SGCD: variants seen among roughly 807,000 people sequenced by gnomAD.
The protein encoded by SGCD is sarcoglycan delta.
Under a neutral mutation model 36.6 loss-of-function variants are expected in SGCD, and 18 were observed. The ratio of observed to expected loss-of-function variants is 0.49; its 90% confidence interval spans 0.34 to 0.73. The LOEUF (loss-of-function observed/expected upper bound fraction) is 0.73. SGCD is among the 30% of genes least tolerant of loss of function. SGCD has a pLI of 0.01. For missense variants in SGCD, 387 were observed against 346.7 expected, an observed-to-expected ratio of 1.12 and a Z score of -0.92; for synonymous variants, 133 against 130.6, an observed-to-expected ratio of 1.02 and a Z score of -0.12.
intron 3 of SGCD, among the ~76,000 whole-genome samples, chr5:156,316,498 A>C (rs1476282340): frequency 2.0e-5 from 3 of 151,964 alleles, no homozygotes; most frequent in African/African-American, 7.2e-5. Flanking sequence ...TAACTAAAAC[A>C]ATCTTGAGCA....
At chr5:156,473,800 A>AAT (rs1327020147) in intron 3 of SGCD, among the ~76,000 whole-genome samples, 1 of 152,208 alleles carries the variant, frequency 6.6e-6, no homozygotes, top group Non-Finnish European at 1.5e-5. Context: ...TCGAAGTGAT[A>AAT]ATCCACTGAC....
chr5:156,366,383 G>A (rs1770107884), intron 3 of SGCD, among the ~76,000 whole-genome samples: 1 of 152,164 alleles, frequency 6.6e-6, no homozygotes, highest in Non-Finnish European at 1.5e-5. Flanking sequence ...AATTTGGAAG[G>A]ACAGATCAGG....
At chr5:156,679,510 A>C (rs560129505) in intron 7 of SGCD, among the ~76,000 whole-genome samples, 5 of 152,294 alleles carry the variant, frequency 3.3e-5, no homozygotes, top group Non-Finnish European at 5.9e-5. Context: ...GCACAGCTGT[A>C]TGGAGCCCTG....
chr5:155,750,996 T>C, the SGCD span, among the ~76,000 whole-genome samples: 1 of 152,334 alleles, frequency 6.6e-6, no homozygotes, highest in East Asian at 1.9e-4. Context: ...GCTTCCTCTC[T>C]GGAATTGCTA....
At chr5:156,028,552 T>A (rs910034013) in intron 1 of SGCD, among the ~76,000 whole-genome samples, 5 of 152,270 alleles carry the variant, frequency 3.3e-5, no homozygotes, top group African/African-American at 1.2e-4. Context: ...CCTTAATGAA[T>A]ACTGAAAACT....
At chr5:156,124,468 G>T (rs1762121126) in intron 3 of SGCD, among the ~76,000 whole-genome samples, 1 of 152,062 alleles carries the variant, frequency 6.6e-6, no homozygotes, top group Non-Finnish European at 1.5e-5. Context: ...AGGTCTTTAG[G>T]GGAGTTGTCT....
At chr5:156,100,122 A>G (rs1310456079) in intron 1 of SGCD, among the ~76,000 whole-genome samples, 1 of 152,196 alleles carries the variant, frequency 6.6e-6, no homozygotes, top group South Asian at 2.1e-4. Context: ...CGACAAAAAT[A>G]TGAGGCTGGT....
intron 7 of SGCD, among the ~76,000 whole-genome samples, chr5:156,653,475 A>C (rs142204494): frequency 9.8e-5 from 5 of 51,056 alleles, no homozygotes; most frequent in African/African-American, 2.9e-4. Flanking sequence ...ATATTTTCTT[A>C]CGTAATTCTA....
intron 3 of SGCD, among the ~76,000 whole-genome samples, chr5:156,147,960 T>G (rs2127613656): frequency 6.6e-6 from 1 of 152,344 alleles, no homozygotes; most frequent in Middle Eastern, 3.4e-3. Flanking sequence ...GGAGAAAGTG[T>G]CCTTCTGCTT....
chr5:156,196,627 G>A (rs1764030617), intron 3 of SGCD, among the ~76,000 whole-genome samples: 1 of 152,194 alleles, frequency 6.6e-6, no homozygotes, highest in Admixed American at 6.5e-5. Flanking sequence ...AATAAAGTTG[G>A]AGATGTGTCT....
chr5:156,228,427 A>G (rs1764911367), intron 3 of SGCD, among the ~76,000 whole-genome samples: 1 of 152,138 alleles, frequency 6.6e-6, no homozygotes, highest in Admixed American at 6.6e-5. Context: ...CTATTGATTT[A>G]AAGTGATTTT....
chr5:155,885,824 G>A (rs78326014), intron 1 of SGCD, among the ~76,000 whole-genome samples: 7,375 of 152,214 alleles, frequency 0.048, 475 homozygotes, highest in African/African-American at 0.14. Flanking sequence ...GAAGATCTAC[G>A]TTGATGAAAG....
intron 1 of SGCD, among the ~76,000 whole-genome samples, chr5:156,014,605 G>A (rs1046002609): frequency 8.5e-5 from 13 of 152,060 alleles, no homozygotes; most frequent in South Asian, 2.1e-4. Flanking sequence ...AGGAAACGTC[G>A]TAGTGGATTT....
intron 1 of SGCD, among the ~76,000 whole-genome samples, chr5:156,030,472 T>C (rs899098684): frequency 1.3e-5 from 2 of 152,164 alleles, no homozygotes; most frequent in Non-Finnish European, 1.5e-5. Context: ...CAGCACCAGA[T>C]GCTAAGAGAA....
At chr5:156,363,426 A>C (rs1769913799) in intron 3 of SGCD, among the ~76,000 whole-genome samples, 1 of 152,224 alleles carries the variant, frequency 6.6e-6, no homozygotes, top group South Asian at 2.1e-4. Context: ...AAGCAGAAAA[A>C]TAATTTAAAA....
intron 3 of SGCD, among the ~76,000 whole-genome samples, chr5:156,376,999 G>T (rs1011558865): frequency 4.6e-5 from 7 of 152,004 alleles, no homozygotes; most frequent in African/African-American, 1.7e-4. Flanking sequence ...AAAATATAAA[G>T]CATGCCTCTT....
chr5:156,460,694 G>A (rs1484778233), intron 3 of SGCD, among the ~76,000 whole-genome samples: 1 of 152,040 alleles, frequency 6.6e-6, no homozygotes, highest in Non-Finnish European at 1.5e-5. Context: ...ATAGTTAAGG[G>A]GTGACTCACT....
the SGCD span, among the ~76,000 whole-genome samples, chr5:155,789,811 GGT>G: frequency 1.5e-3 from 227 of 152,162 alleles, no homozygotes; most frequent in African/African-American, 5.3e-3. Flanking sequence ...TTCAGAGGTT[GGT>G]AGAAGTTAAA....
At chr5:156,006,455 C>T (rs539448226) in intron 1 of SGCD, among the ~76,000 whole-genome samples, 93 of 152,162 alleles carry the variant, frequency 6.1e-4, no homozygotes, top group African/African-American at 2.1e-3. Flanking sequence ...GTTACAAATG[C>T]GTTGTCTGGT....
Sources: gnomAD v4.1 joint callset for allele counts (sites outside exome capture counted in the v4.1 genomes callset) on GRCh38, gnomAD v4.1.1 for gene constraint, MANE v1.5 for transcripts, NCBI Gene and HGNC (gene_info 2026-07-23, HGNC 2026-07-21) for gene names.